Variants in LRRC3B observed in about 807,000 individuals in gnomAD.
LRRC3B encodes the protein leucine-rich repeat-containing protein 3B.
A neutral mutation model predicts 12.8 loss-of-function variants in LRRC3B; 2 were observed. The ratio of observed to expected loss-of-function variants is 0.16; its 90% CI spans 0.06 to 0.49. The LOEUF is 0.49. Among genes scored for constraint, LRRC3B ranks in the 20% least tolerant of loss-of-function variants. The pLI, the probability that LRRC3B is intolerant of heterozygous loss-of-function variation, is 0.96. For missense variants in LRRC3B, 189 were observed against 319.4 expected (o/e 0.59, Z 3.11); for synonymous variants, 132 against 122.0 (o/e 1.08, Z -0.54).
At chr3:26,650,565 C>G (rs982875648) in intron 1 of LRRC3B, among the ~76,000 whole-genome samples, 5 of 152,146 alleles carry the variant, frequency 3.3e-5, no homozygotes, top group African/African-American at 9.7e-5. Context: ...ATATTGTAAA[C>G]CAACTCGGAG....
chr3:26,623,885 A>C (rs1330848574), intron 1 of LRRC3B: 1 of 152,572 alleles, frequency 6.6e-6, no homozygotes, highest in African/African-American at 2.4e-5. Flanking sequence ...TAAGTGGCTC[A>C]GGGAGGGAAA....
At chr3:26,696,066 A>C (rs1411912339) in intron 1 of LRRC3B, among the ~76,000 whole-genome samples, 1 of 152,260 alleles carries the variant, frequency 6.6e-6, no homozygotes, top group Admixed American at 6.5e-5. Context: ...TATTTATGAT[A>C]GCAAATCATG....
At chr3:26,669,126 T>C (rs1270063103) in intron 1 of LRRC3B, among the ~76,000 whole-genome samples, 2 of 152,230 alleles carry the variant, frequency 1.3e-5, no homozygotes, top group African/African-American at 2.4e-5. Flanking sequence ...TAGAATAGCT[T>C]GCTGTCATTA....
In LRRC3B at chr3:26,650,267, C is replaced by T. The variant is rs140050465; in HGVS notation, c.-161+27030C>T. ...TGTCCTTTCTAAAAACCATCAGGGC[C>T]GTATGGCTCCCATTTCTATGGGTAT... is the stretch of plus-strand genomic sequence containing the variant. On this transcript the variant is annotated intron_variant, in intron 1 of 1. Transcript: ENST00000396641. Among the ~76,000 whole-genome samples, 567 of 152,258 alleles carry T rather than the reference C, an allele frequency of 3.7e-3. 3 individuals carry two copies. Among genetic ancestry groups the T allele is most frequent in the African/African-American group, 0.012 (506 of 41,546 alleles).
chr3:26,708,969 A>G (rs912662751), intron 1 of LRRC3B, among the ~76,000 whole-genome samples: 1 of 152,204 alleles, frequency 6.6e-6, no homozygotes, highest in Non-Finnish European at 1.5e-5. Context: ...AGCCTCTAGC[A>G]ATATTTTGTT....
At chr3:26,692,512 T>C (rs1700212702) in intron 1 of LRRC3B, among the ~76,000 whole-genome samples, 4 of 152,232 alleles carry the variant, frequency 2.6e-5, no homozygotes, top group Admixed American at 2.6e-4. Context: ...ACTGTCATGG[T>C]CAGCAAATAG....
At chr3:26,693,255 G>T (rs1700230747) in intron 1 of LRRC3B, among the ~76,000 whole-genome samples, 1 of 148,244 alleles carries the variant, frequency 6.7e-6, no homozygotes, top group African/African-American at 2.6e-5. Context: ...CGTGAACCCG[G>T]GAGGCGGAGC....
At chr3:26,655,923 G>A (rs1275786717) in intron 1 of LRRC3B, among the ~76,000 whole-genome samples, 3 of 152,060 alleles carry the variant, frequency 2.0e-5, no homozygotes, top group Non-Finnish European at 2.9e-5. Flanking sequence ...AGGAAACCAC[G>A]ACTCAGAGAC....
chr3:26,677,135 C>T (rs1677147816), intron 1 of LRRC3B, among the ~76,000 whole-genome samples: 1 of 152,176 alleles, frequency 6.6e-6, no homozygotes. Flanking sequence ...ACCATACCAT[C>T]CTTCTTCACA....
chr3:26,687,720 G>C (rs530767878), intron 1 of LRRC3B, among the ~76,000 whole-genome samples: 2 of 152,238 alleles, frequency 1.3e-5, no homozygotes, highest in Non-Finnish European at 2.9e-5. Context: ...TGGTAGAATC[G>C]ATTCATTTGA....
At chr3:26,631,564 T>TCC (rs1327932371) in intron 1 of LRRC3B, among the ~76,000 whole-genome samples, 1 of 152,170 alleles carries the variant, frequency 6.6e-6, no homozygotes, top group Non-Finnish European at 1.5e-5. Context: ...GCTCATGTTA[T>TCC]CCAGTGTTGG....
intron 1 of LRRC3B, among the ~76,000 whole-genome samples, chr3:26,678,262 G>A (rs1699902418): frequency 6.6e-6 from 1 of 152,126 alleles, no homozygotes; most frequent in African/African-American, 2.4e-5. Flanking sequence ...GGGAAGCTGA[G>A]GTGGGTGGAT....
chr3:26,647,656 C>T (rs368328384), intron 1 of LRRC3B, among the ~76,000 whole-genome samples: 8 of 152,272 alleles, frequency 5.3e-5, no homozygotes, highest in African/African-American at 1.7e-4. Flanking sequence ...AAAGATACGG[C>T]GTTTCTGACA....
intron 1 of LRRC3B, among the ~76,000 whole-genome samples, chr3:26,706,108 T>C (rs1700579774): frequency 6.6e-6 from 1 of 152,218 alleles, no homozygotes; most frequent in South Asian, 2.1e-4. Flanking sequence ...GGCTTATTGA[T>C]GGCTCTCTTC....
intron 1 of LRRC3B, among the ~76,000 whole-genome samples, chr3:26,644,036 G>T (rs186229332): frequency 1.3e-5 from 2 of 152,268 alleles, no homozygotes; most frequent in East Asian, 1.9e-4. Flanking sequence ...AGATGTGTAC[G>T]AATTATTTTT....
At chr3:26,685,523 C>CTCTATATA (rs1200535225) in intron 1 of LRRC3B, among the ~76,000 whole-genome samples, 9 of 38,302 alleles carry the variant, frequency 2.3e-4, no homozygotes, top group African/African-American at 6.4e-4. Flanking sequence ...CTCTCTCTCT[C>CTCTATATA]TATATATATA....
intron 1 of LRRC3B, among the ~76,000 whole-genome samples, chr3:26,654,348 TAGAG>T (rs1699326964): frequency 3.3e-5 from 5 of 152,186 alleles, no homozygotes; most frequent in African/African-American, 7.2e-5. Flanking sequence ...TAGAATCTCT[TAGAG>T]AGCTCTGGAA....
intron 1 of LRRC3B, among the ~76,000 whole-genome samples, chr3:26,641,033 G>T (rs1699020267): frequency 6.6e-6 from 1 of 152,168 alleles, no homozygotes; most frequent in East Asian, 1.9e-4. Context: ...GAATGCAAAG[G>T]TCTGGCAGTG....
chr3:26,676,165 G>A (rs1172353593), intron 1 of LRRC3B, among the ~76,000 whole-genome samples: 6 of 151,740 alleles, frequency 4.0e-5, no homozygotes, highest in Non-Finnish European at 5.9e-5. Context: ...CATGTGCCAT[G>A]TTGGTGTGCT....
Sources: allele counts gnomAD v4.1 joint callset (sites outside exome capture counted in the v4.1 genomes callset), GRCh38; gene constraint gnomAD v4.1.1; transcripts MANE v1.5; gene names NCBI Gene and HGNC (gene_info 2026-07-23, HGNC 2026-07-21).